The following GRM7 variants were observed in gnomAD, a reference collection of about 807,000 sequenced individuals.
The protein encoded by GRM7 is metabotropic glutamate receptor 7.
GRM7 carries 35 observed loss-of-function variants against 84.5 expected under a neutral mutation model. That is an observed-to-expected ratio of 0.41 (90% confidence interval 0.32 to 0.55). The LOEUF (loss-of-function observed/expected upper bound fraction) is 0.55. GRM7 is among the 20% of genes least tolerant of loss of function. The probability of loss-of-function intolerance (pLI) is 0.19; values close to 1 mark genes in which losing one functional copy is unlikely to be tolerated. For synonymous variants in GRM7, 487 were observed against 455.1 expected (o/e 1.07, Z -0.89); for missense variants, 1,003 against 1,194.6 (o/e 0.84, Z 2.36).
chr3:7,485,049 G>A (rs895654207), intron 7 of GRM7, among the ~76,000 whole-genome samples: 9 of 152,140 alleles, frequency 5.9e-5, no homozygotes, highest in African/African-American at 2.2e-4. Flanking sequence ...ACTATATCCT[G>A]CCAACAACCA....
At chr3:7,615,166 A>G (rs1449903394) in intron 8 of GRM7, among the ~76,000 whole-genome samples, 2 of 152,136 alleles carry the variant, frequency 1.3e-5, no homozygotes, top group Admixed American at 1.3e-4. Flanking sequence ...ATATGTACAT[A>G]TGCATGATAT....
At chr3:7,625,185 A>G (rs796953654) in intron 8 of GRM7, among the ~76,000 whole-genome samples, 7 of 152,068 alleles carry the variant, frequency 4.6e-5, no homozygotes, top group African/African-American at 1.7e-4. Context: ...TCTTTAGAAC[A>G]CTCTGGTAGC....
chr3:6,990,759 A>C (rs982608892), intron 1 of GRM7, among the ~76,000 whole-genome samples: 1 of 152,218 alleles, frequency 6.6e-6, no homozygotes, highest in Middle Eastern at 3.4e-3. Flanking sequence ...TTTCTCCCCA[A>C]CATTCCTCCT....
chr3:7,101,338 G>A (rs908511017), intron 1 of GRM7, among the ~76,000 whole-genome samples: 8 of 151,450 alleles, frequency 5.3e-5, no homozygotes, highest in African/African-American at 1.9e-4. Context: ...GTGTGTATTT[G>A]TATCACATTT....
At chr3:7,579,962 T>A (rs1695168900) in intron 8 of GRM7, among the ~76,000 whole-genome samples, 1 of 152,184 alleles carries the variant, frequency 6.6e-6, no homozygotes, top group African/African-American at 2.4e-5. Context: ...ATTAATCACA[T>A]CCAGCAATTC....
At position 7,276,793 on chromosome 3, in the gene GRM7, TCC is replaced by T. The variant is rs1699082571; in HGVS notation, c.737-21890_737-21889del. On this transcript the variant is annotated intron_variant, in intron 2 of 9. Coordinates refer to ENST00000357716, the MANE Select transcript of GRM7 (RefSeq NM_000844.4). ...TTCCTTCCTTCCTTCCTTCCTTCCT[TCC>T]TTCCTTCCTTTTTGGTGGTGGCATG... Among the ~76,000 whole-genome samples, 8 of 3,298 alleles carry T rather than the reference TCC, an allele frequency of 2.4e-3. 1 individual carries two copies. The highest frequency in any genetic ancestry group is 0.024 in the South Asian group (1 of 42). 2.2% of individuals were successfully genotyped at this position (3,298 alleles called of 152,430 possible).
Position 7,120,989 on chromosome 3 carries a change from G to GT in GRM7, c.520-25456dup, listed in dbSNP as rs1007990009. 4.6e-5 allele frequency among the ~76,000 whole-genome samples: 7 copies of GT among 152,172 alleles called. 1 individual carries two copies. The highest frequency in any genetic ancestry group is 7.2e-5 in the African/African-American group (3 of 41,518). On this transcript the variant is annotated intron_variant, in intron 1 of 9. Coordinates refer to ENST00000357716, the MANE Select transcript of GRM7 (RefSeq NM_000844.4). ...ACTTACAACACTTTATTATTGTGGGGTTTTTTTCTTCTAACTTCTTTCTCC... is the reference window on the plus strand; with the variant it reads ...ACTTACAACACTTTATTATTGTGGGGTTTTTTTTCTTCTAACTTCTTTCTCC...
chr3:7,338,513 T>A (rs1483877164), intron 4 of GRM7, among the ~76,000 whole-genome samples: 1 of 151,910 alleles, frequency 6.6e-6, no homozygotes, highest in Non-Finnish European at 1.5e-5. Context: ...AAATAAAAAT[T>A]AAAAATATAC....
At chr3:7,235,980 C>T (rs1281772948) in intron 2 of GRM7, among the ~76,000 whole-genome samples, 8 of 152,130 alleles carry the variant, frequency 5.3e-5, no homozygotes, top group Non-Finnish European at 8.8e-5. Context: ...GTTCTGGAGG[C>T]TGGGAGGTCC....
chr3:7,551,787 T>G (rs190932010), intron 7 of GRM7, among the ~76,000 whole-genome samples: 1 of 152,190 alleles, frequency 6.6e-6, no homozygotes, highest in Admixed American at 6.5e-5. Flanking sequence ...GCCTGGTACA[T>G]GGTAGGCTCG....
intron 1 of GRM7, among the ~76,000 whole-genome samples, chr3:6,948,278 G>T (rs1447309560): frequency 6.6e-6 from 1 of 152,058 alleles, no homozygotes; most frequent in Non-Finnish European, 1.5e-5. Flanking sequence ...TGGTTTCAAA[G>T]AACATCTTTA....
intron 7 of GRM7, among the ~76,000 whole-genome samples, chr3:7,468,791 TC>T (rs1698569211): frequency 6.6e-6 from 1 of 152,158 alleles, no homozygotes; most frequent in Non-Finnish European, 1.5e-5. Flanking sequence ...GTCTGGCATT[TC>T]CACTGCTTTC....
intron 2 of GRM7, among the ~76,000 whole-genome samples, chr3:7,248,392 C>T (rs1697853904): frequency 1.3e-5 from 2 of 152,180 alleles, no homozygotes; most frequent in South Asian, 4.1e-4. Context: ...AATTTCATCT[C>T]TATGACCTTC....
At chr3:7,250,093 C>A (rs1259431707) in intron 2 of GRM7, among the ~76,000 whole-genome samples, 1 of 152,118 alleles carries the variant, frequency 6.6e-6, no homozygotes, top group Non-Finnish European at 1.5e-5. Flanking sequence ...TGGCCAGGTG[C>A]TTATCTAAAT....
At chr3:7,030,078 A>G (rs1338685292) in intron 1 of GRM7, among the ~76,000 whole-genome samples, 3 of 152,226 alleles carry the variant, frequency 2.0e-5, no homozygotes, top group Non-Finnish European at 4.4e-5. Flanking sequence ...ACATATGGTG[A>G]TATGTCCATA....
intron 5 of GRM7, among the ~76,000 whole-genome samples, chr3:7,449,129 T>C (rs893311550): frequency 1.3e-5 from 2 of 152,064 alleles, no homozygotes; most frequent in South Asian, 2.1e-4. Flanking sequence ...TTTTTCATAA[T>C]AGAAAGTTGG....
intron 7 of GRM7, among the ~76,000 whole-genome samples, chr3:7,464,347 T>C (rs1698374417): frequency 6.6e-6 from 1 of 152,154 alleles, no homozygotes; most frequent in African/African-American, 2.4e-5. Flanking sequence ...CAATTGGGAT[T>C]ATTATATATG....
chr3:7,319,763 T>C (rs1278611600), intron 4 of GRM7, among the ~76,000 whole-genome samples: 1 of 152,070 alleles, frequency 6.6e-6, no homozygotes, highest in Non-Finnish European at 1.5e-5. Context: ...TTTGTTTTTC[T>C]CAACTGTTCT....
chr3:6,912,916 C>A (rs1270880310), intron 1 of GRM7, among the ~76,000 whole-genome samples: 1 of 152,086 alleles, frequency 6.6e-6, no homozygotes. Flanking sequence ...AGCACTTATG[C>A]ACAATTGTAA....
Sources: allele counts gnomAD v4.1 joint callset (sites outside exome capture counted in the v4.1 genomes callset), GRCh38; gene constraint gnomAD v4.1.1; transcripts MANE v1.5; gene names NCBI Gene and HGNC (gene_info 2026-07-23, HGNC 2026-07-21).